The following LARGE1 variants were observed in gnomAD, a reference collection of about 807,000 sequenced individuals.
LARGE1 encodes xylosyl- and glucuronyltransferase LARGE1.
A neutral mutation model predicts 87.6 loss-of-function variants in LARGE1; 43 were observed. The observed-to-expected ratio is 0.49, with a 90% CI of 0.38 to 0.63. The LOEUF (loss-of-function observed/expected upper bound fraction) is 0.63. Ranked by LOEUF, LARGE1 falls within the 30% of genes least tolerant of loss-of-function variation. The pLI is 0.00. For missense variants in LARGE1, 802 were observed against 1,000.2 expected, an observed-to-expected ratio of 0.80 and a Z score of 2.67; for synonymous variants, 434 against 394.6, an observed-to-expected ratio of 1.10 and a Z score of -1.18.
At chr22:33,092,511 G>A in the LARGE1 span, among the ~76,000 whole-genome samples, 1 of 151,916 alleles carries the variant, frequency 6.6e-6, no homozygotes, top group Non-Finnish European at 1.5e-5. Flanking sequence ...GTGCATGTTT[G>A]TTACACAGGT....
intron 1 of LARGE1, among the ~76,000 whole-genome samples, chr22:33,865,514 C>A (rs939364480): frequency 1.6e-4 from 25 of 152,160 alleles, no homozygotes; most frequent in African/African-American, 5.6e-4. Context: ...GACCCCTTTA[C>A]CAAGGAGGGT....
At chr22:33,453,437 C>T (rs1246398646) in intron 6 of LARGE1, among the ~76,000 whole-genome samples, 1 of 151,764 alleles carries the variant, frequency 6.6e-6, no homozygotes, top group Non-Finnish European at 1.5e-5. Flanking sequence ...AAAGTTGTTG[C>T]TTCACTCTTA....
At chr22:33,299,370 A>G (rs76763669) in intron 12 of LARGE1, among the ~76,000 whole-genome samples, 3,119 of 152,272 alleles carry the variant, frequency 0.02, 99 homozygotes, top group African/African-American at 0.072. Flanking sequence ...ACTGAAACGC[A>G]GGTCTGAATG....
At chr22:33,153,953 G>T in the LARGE1 span, among the ~76,000 whole-genome samples, 1 of 152,164 alleles carries the variant, frequency 6.6e-6, no homozygotes, top group Non-Finnish European at 1.5e-5. Context: ...CCAGGATGTT[G>T]TTTAGGAAAT....
chr22:33,480,858 T>A (rs2069290423), intron 6 of LARGE1, among the ~76,000 whole-genome samples: 1 of 152,198 alleles, frequency 6.6e-6, no homozygotes, highest in African/African-American at 2.4e-5. Context: ...TAGCAGCTGT[T>A]CTATAAATAC....
chr22:33,363,727 A>T (rs141918361), intron 9 of LARGE1, among the ~76,000 whole-genome samples: 2 of 150,318 alleles, frequency 1.3e-5, no homozygotes, highest in Non-Finnish European at 3.0e-5. Flanking sequence ...GAATAATTAT[A>T]ATACGTCAGC....
chr22:33,086,291 A>G, the LARGE1 span, among the ~76,000 whole-genome samples: 1 of 152,140 alleles, frequency 6.6e-6, no homozygotes, highest in Non-Finnish European at 1.5e-5. Context: ...GCAGATATAA[A>G]AGAGTTTAAA....
chr22:33,362,614 A>C (rs1391493137), intron 9 of LARGE1, among the ~76,000 whole-genome samples: 1 of 150,084 alleles, frequency 6.7e-6, no homozygotes, highest in East Asian at 1.9e-4. Flanking sequence ...GTGCTCAGCA[A>C]GAGTGAGCTG....
chr22:33,482,373 C>G (rs904046980), intron 6 of LARGE1, among the ~76,000 whole-genome samples: 2 of 152,116 alleles, frequency 1.3e-5, no homozygotes, highest in Non-Finnish European at 2.9e-5. Flanking sequence ...GGGCATTAAG[C>G]CATGGTGTTC....
At chr22:33,542,859 G>A (rs770481665) in intron 6 of LARGE1, among the ~76,000 whole-genome samples, 15 of 152,116 alleles carry the variant, frequency 9.9e-5, no homozygotes, top group Admixed American at 2.6e-4. Context: ...AGAGGGACTC[G>A]CCTACAGCTA....
the LARGE1 span, among the ~76,000 whole-genome samples, chr22:33,121,579 C>T: frequency 2.0e-5 from 3 of 152,172 alleles, no homozygotes; most frequent in Admixed American, 2.0e-4. Flanking sequence ...CCAGAATGGT[C>T]TCTTTCTATT....
At chr22:33,504,345 C>T (rs774709194) in intron 6 of LARGE1, among the ~76,000 whole-genome samples, 5 of 152,158 alleles carry the variant, frequency 3.3e-5, no homozygotes, top group Admixed American at 1.3e-4. Flanking sequence ...CTGCAACCTC[C>T]GCCTCCCGGG....
intron 7 of LARGE1, among the ~76,000 whole-genome samples, chr22:33,398,385 C>T (rs1012338979): frequency 2.0e-5 from 3 of 152,114 alleles, no homozygotes; most frequent in African/African-American, 7.2e-5. Context: ...CTCCCCCAAC[C>T]TTTCCTCCTG....
chr22:33,754,346 T>G (rs975285104), intron 2 of LARGE1, among the ~76,000 whole-genome samples: 1 of 151,946 alleles, frequency 6.6e-6, no homozygotes, highest in Non-Finnish European at 1.5e-5. Context: ...AGTTCTTTTT[T>G]TTTTTTTTGA....
At chr22:33,730,308 C>G (rs2083420359) in intron 2 of LARGE1, among the ~76,000 whole-genome samples, 1 of 152,186 alleles carries the variant, frequency 6.6e-6, no homozygotes, top group Non-Finnish European at 1.5e-5. Context: ...ATATAACATA[C>G]ATACAAACTA....
chr22:33,791,464 C>CA (rs2085822720), intron 1 of LARGE1, among the ~76,000 whole-genome samples: 2 of 152,114 alleles, frequency 1.3e-5, no homozygotes, highest in African/African-American at 4.8e-5. Flanking sequence ...TTTCTGTTTG[C>CA]AAAGGAAGAA....
intron 1 of LARGE1, among the ~76,000 whole-genome samples, chr22:33,793,020 G>A (rs921037962): frequency 6.6e-6 from 1 of 152,226 alleles, no homozygotes; most frequent in Non-Finnish European, 1.5e-5. Context: ...TGCTGAGCGT[G>A]CCCAGAGGAG....
chr22:33,334,153 C>CTGT (rs1403061325), intron 10 of LARGE1, among the ~76,000 whole-genome samples: 1 of 151,346 alleles, frequency 6.6e-6, no homozygotes, highest in Non-Finnish European at 1.5e-5. Flanking sequence ...TGGCTCATGC[C>CTGT]TGTAATCCCA....
chr22:33,904,672 G>C (rs573356073), intron 1 of LARGE1, among the ~76,000 whole-genome samples: 1 of 152,100 alleles, frequency 6.6e-6, no homozygotes, highest in East Asian at 1.9e-4. Context: ...CGCTGCCCTC[G>C]GGTCTTCAGT....
Sources: gnomAD v4.1 joint callset for allele counts (sites outside exome capture counted in the v4.1 genomes callset) on GRCh38, gnomAD v4.1.1 for gene constraint, MANE v1.5 for transcripts, NCBI Gene and HGNC (gene_info 2026-07-23, HGNC 2026-07-21) for gene names.